TRPA1: variants seen among roughly 807,000 people sequenced by gnomAD.
TRPA1 encodes transient receptor potential cation channel subfamily A member 1.
TRPA1 carries 129 observed loss-of-function variants against 131.3 expected under a neutral mutation model. The observed-to-expected ratio is 0.98, with a 90% confidence interval of 0.85 to 1.14. TRPA1 has a LOEUF of 1.14. Ranked by LOEUF, TRPA1 falls within the 50% of genes most tolerant of loss-of-function variation. The pLI, the probability that TRPA1 is intolerant of heterozygous loss-of-function variation, is 0.00. For synonymous variants in TRPA1, 441 were observed against 451.7 expected, an observed-to-expected ratio of 0.98 and a Z score of 0.30; for missense variants, 1,304 against 1,354.2, an observed-to-expected ratio of 0.96 and a Z score of 0.58.
At position 72,023,831 on chromosome 8, in the gene TRPA1, T is replaced by A; in HGVS notation, c.3132A>T (p.Ile1044=). The A allele has an allele frequency of 6.3e-7, 1 of 1,582,662 alleles. No homozygotes were observed. The highest frequency in any genetic ancestry group is 8.7e-7 in the Non-Finnish European group (1 of 1,151,784). The change falls in exon 26 of 27, where the codon ATA becomes ATT. Residue 1044 remains isoleucine, a synonymous_variant. Transcript: ENST00000262209. ...PNADKSLEME[I]LKQKYRLKDL... ...ATACATACCGGTATTTCTGCTTTAA[T>A]ATTTCCATTTCTAAAGATTTATCAG...
chr8:72,024,802 G>A (rs73687833), intron 25 of TRPA1, among the ~76,000 whole-genome samples: 8 of 152,198 alleles, frequency 5.3e-5, no homozygotes, highest in Admixed American at 2.0e-4. Flanking sequence ...ATTCTGTTTC[G>A]GTAGTAATTT....
At position 72,053,821 on chromosome 8, in the gene TRPA1, AC is replaced by A; in HGVS notation, c.1575del (p.Tyr526ThrfsTer5). The A allele has an allele frequency of 6.2e-7, 1 of 1,612,058 alleles. No homozygotes were observed. The highest frequency in any genetic ancestry group is 1.1e-5 in the South Asian group (1 of 90,868). The stretch of plus-strand genomic sequence containing the variant: ...AGAATGACCTTCATGGTCTGAGTGT[AC>A]CCGCCCATGGACGCATGATGCAAAG... ...WTALHHASMG[G>X]YTQTMKVILD... On this transcript the variant is annotated frameshift_variant, in exon 13 of 27. Transcript: ENST00000262209. LOFTEE classifies it high-confidence loss of function.
intron 24 of TRPA1, among the ~76,000 whole-genome samples, chr8:72,026,375 A>G (rs1029934492): frequency 6.6e-6 from 1 of 152,212 alleles, no homozygotes; most frequent in African/African-American, 2.4e-5. Context: ...AGGGATAGTC[A>G]CCCGATGTTT....
chr8:72,067,075 T>C (rs770539115), intron 3 of TRPA1, among the ~76,000 whole-genome samples: 1 of 152,204 alleles, frequency 6.6e-6, no homozygotes, highest in Non-Finnish European at 1.5e-5. Context: ...CCATAAATCA[T>C]TGTGCAAGAA....
At chr8:72,074,835 C>T (rs1411700926) in intron 1 of TRPA1, among the ~76,000 whole-genome samples, 2 of 152,178 alleles carry the variant, frequency 1.3e-5, no homozygotes, top group Non-Finnish European at 1.5e-5. Context: ...TAAGTGCAGA[C>T]AATTGGTTTA....
At chr8:72,036,892 A>G (rs1400727760) in intron 20 of TRPA1, among the ~76,000 whole-genome samples, 1 of 152,250 alleles carries the variant, frequency 6.6e-6, no homozygotes, top group Non-Finnish European at 1.5e-5. Flanking sequence ...ATTAGGAAAT[A>G]AAAACAAATA....
chr8:72,024,399 G>T (rs191702642), intron 25 of TRPA1, among the ~76,000 whole-genome samples: 1 of 152,244 alleles, frequency 6.6e-6, no homozygotes, highest in Non-Finnish European at 1.5e-5. Context: ...GAGGGTCAAG[G>T]GCAGGTGTGA....
chr8:72,071,977 T>A, intron 1 of TRPA1, 110 bp from the exon 2 acceptor site: 3 of 950,116 alleles, frequency 3.2e-6, no homozygotes, highest in Non-Finnish European at 4.8e-6. Flanking sequence ...TCTATCATGC[T>A]TATATGAGGT....
intron 21 of TRPA1, 90 bp from the exon 22 acceptor site, chr8:72,034,467 A>G: frequency 1.2e-6 from 1 of 864,360 alleles, no homozygotes; most frequent in Non-Finnish European, 1.7e-6. Flanking sequence ...TAAACCAGGT[A>G]TTAGATTTCA....
Position 72,034,315 on chromosome 8 carries a change from G to C in TRPA1, c.2618C>G (p.Ser873Cys), listed in dbSNP as rs1485260064. 2 of 1,594,120 alleles carry C rather than the reference G, an allele frequency of 1.3e-6. No homozygotes were observed. Among genetic ancestry groups the C allele is most frequent in the African/African-American group, 2.7e-5 (2 of 73,904 alleles). Residue 873 changes from serine to cysteine, a missense_variant, in exon 22 of 27, where the codon TCT becomes TGT. By Grantham distance (112) the Ser-to-Cys change is moderately radical. Transcript: ENST00000262209. ...AAGAAGGAAGATAAATACAACTGTA[G>C]ACCTCAACAAAGTTTTCAAAATTAC... is the stretch of plus-strand genomic sequence containing the variant. The part of the protein sequence containing the change: ...LEVILKTLLR[S>C]TVVFIFLLLA...
intron 23 of TRPA1, among the ~76,000 whole-genome samples, chr8:72,031,586 C>CAA (rs1269800809): frequency 7.2e-6 from 1 of 138,548 alleles, no homozygotes; most frequent in South Asian, 2.5e-4. Flanking sequence ...TCAAAAAAAA[C>CAA]AAAAAAACAA....
intron 21 of TRPA1, 69 bp from the exon 22 acceptor site, chr8:72,034,446 T>G (rs1424674697): frequency 9.6e-7 from 1 of 1,042,506 alleles, no homozygotes; most frequent in Non-Finnish European, 1.4e-6. Context: ...GTGACAATAT[T>G]TATCATGTAT....
intron 23 of TRPA1, among the ~76,000 whole-genome samples, chr8:72,033,093 G>A (rs1010946211): frequency 2.0e-5 from 3 of 152,162 alleles, no homozygotes; most frequent in South Asian, 2.1e-4. Flanking sequence ...GGTTCAAGGC[G>A]GCATCTGAAC....
intron 15 of TRPA1, among the ~76,000 whole-genome samples, chr8:72,048,366 G>C (rs1283628510): frequency 6.6e-6 from 1 of 152,042 alleles, no homozygotes; most frequent in East Asian, 1.9e-4. Flanking sequence ...TGAGGGTAGA[G>C]GGTCAGACTA....
At chr8:72,025,819 C>G (rs1160107101) in intron 25 of TRPA1, 141 bp downstream of exon 25, 1 of 734,292 alleles carries the variant, frequency 1.4e-6, no homozygotes, top group African/African-American at 1.8e-5. Flanking sequence ...TTAATCATAT[C>G]CTTTTTTTAA....
intron 13 of TRPA1, chr8:72,053,517 A>C: frequency 1.9e-6 from 1 of 536,644 alleles, no homozygotes; most frequent in Non-Finnish European, 3.4e-6. Flanking sequence ...TGGCCTGTGG[A>C]CCTCGCTGCT....
chr8:72,029,676 A>G (rs1454091577), intron 24 of TRPA1: 2 of 635,370 alleles, frequency 3.1e-6, no homozygotes, highest in Admixed American at 2.4e-5. Context: ...CTGGGCTAGC[A>G]GTATGTGGTA....
chr8:72,076,008 C>T (rs1202577917), upstream of TRPA1, among the ~76,000 whole-genome samples: 2 of 152,068 alleles, frequency 1.3e-5, no homozygotes, highest in Non-Finnish European at 2.9e-5. Context: ...TAAAATCCTA[C>T]AGACCTGTGT....
intron 24 of TRPA1, among the ~76,000 whole-genome samples, chr8:72,028,876 AGAG>A (rs1811701580): frequency 6.6e-6 from 1 of 152,232 alleles, no homozygotes; most frequent in African/African-American, 2.4e-5. Context: ...ATAAAAGTGA[AGAG>A]GAGACAAGAG....
Sources: allele counts gnomAD v4.1 joint callset (sites outside exome capture counted in the v4.1 genomes callset), GRCh38; gene constraint gnomAD v4.1.1; transcripts MANE v1.5; gene names NCBI Gene and HGNC (gene_info 2026-07-23, HGNC 2026-07-21).